The following BTBD10 variants were observed in gnomAD, a reference collection of about 807,000 sequenced individuals.
BTBD10 encodes BTB domain containing 10, also known as BTB/POZ domain-containing protein 10.
In BTBD10, 21 loss-of-function variants were observed where a neutral mutation model predicts 53.2. The observed-to-expected ratio is 0.39, with a 90% CI of 0.28 to 0.57. The LOEUF is 0.57. Ranked by LOEUF, BTBD10 falls within the 20% of genes least tolerant of loss-of-function variation. The pLI, the probability that BTBD10 is intolerant of heterozygous loss-of-function variation, is 0.53. For synonymous variants in BTBD10, 149 were observed against 192.7 expected, an observed-to-expected ratio of 0.77 and a Z score of 1.88; for missense variants, 360 against 594.7, an observed-to-expected ratio of 0.61 and a Z score of 4.10.
At chr11:13,462,872 CA>C (rs1195488541) in intron 1 of BTBD10, 1 of 152,410 alleles carries the variant, frequency 6.6e-6, no homozygotes, top group East Asian at 1.9e-4. Flanking sequence ...GCAGCAGCCG[CA>C]AAACTCAAGT....
chr11:13,434,355 C>T (rs538088946), intron 2 of BTBD10, among the ~76,000 whole-genome samples: 1 of 152,186 alleles, frequency 6.6e-6, no homozygotes, highest in African/African-American at 2.4e-5. Context: ...GTAGAACTCT[C>T]TGAGGGGGAA....
At chr11:13,410,526 C>A (rs139944755) in intron 6 of BTBD10, among the ~76,000 whole-genome samples, 5 of 152,198 alleles carry the variant, frequency 3.3e-5, no homozygotes, top group African/African-American at 1.2e-4. Context: ...ATGAGCCCCA[C>A]GTCCAGGGAA....
chr11:13,435,397 A>T (rs909552142), intron 2 of BTBD10, among the ~76,000 whole-genome samples: 1 of 152,194 alleles, frequency 6.6e-6, no homozygotes, highest in Admixed American at 6.5e-5. Context: ...AAAAAATATA[A>T]TTTTTTTAAA....
chr11:13,414,994 T>G (rs912469855), intron 5 of BTBD10, among the ~76,000 whole-genome samples: 1 of 151,808 alleles, frequency 6.6e-6, no homozygotes, highest in Admixed American at 6.6e-5. Flanking sequence ...CTGATCAAGA[T>G]CAACTATTTT....
chr11:13,453,281 A>G (rs1236873612), intron 1 of BTBD10, among the ~76,000 whole-genome samples: 3 of 152,146 alleles, frequency 2.0e-5, no homozygotes, highest in Non-Finnish European at 4.4e-5. Context: ...CAAAAACAAA[A>G]AAACAGAAAA....
intron 8 of BTBD10, among the ~76,000 whole-genome samples, chr11:13,401,721 A>G (rs1256233088): frequency 6.6e-6 from 1 of 152,182 alleles, no homozygotes; most frequent in Admixed American, 6.6e-5. Context: ...ACTAAGATAA[A>G]GGAAACTGAT....
intron 8 of BTBD10, among the ~76,000 whole-genome samples, chr11:13,394,534 T>G (rs1949487734): frequency 6.6e-6 from 1 of 152,084 alleles, no homozygotes; most frequent in Non-Finnish European, 1.5e-5. Context: ...CACTTTCAGG[T>G]AGTTCTTTTT....
At chr11:13,434,151 A>G (rs1225705410) in intron 2 of BTBD10, among the ~76,000 whole-genome samples, 1 of 152,230 alleles carries the variant, frequency 6.6e-6, no homozygotes, top group African/African-American at 2.4e-5. Context: ...AATAGTTTTA[A>G]TACTATTTCT....
At chr11:13,454,980 A>C (rs1950933067) in intron 1 of BTBD10, among the ~76,000 whole-genome samples, 1 of 152,170 alleles carries the variant, frequency 6.6e-6, no homozygotes, top group Non-Finnish European at 1.5e-5. Flanking sequence ...ATGCAATCTC[A>C]GCTCACTGCA....
intron 2 of BTBD10, chr11:13,440,186 C>T: frequency 7.0e-7 from 1 of 1,438,632 alleles, no homozygotes; most frequent in Non-Finnish European, 9.2e-7. Context: ...GAGATACAAC[C>T]CCCTCTACAT....
intron 5 of BTBD10, among the ~76,000 whole-genome samples, chr11:13,414,391 C>T (rs977155540): frequency 4.6e-5 from 7 of 152,256 alleles, no homozygotes; most frequent in East Asian, 1.9e-4. Flanking sequence ...CCATGACTCA[C>T]GCCTATAATC....
rs1234723156 is a variant in BTBD10 at position 13,389,112 on chromosome 11, TCTTTA to T, written c.1142_1146del (p.Val381GlufsTer41). ...ACTTCTGGGCGGCCTCCAGGCCTTT[TCTTTA>T]CTTTTTCTTTGTAGGTAGGATAACC... On this transcript the variant is annotated frameshift_variant, in exon 9 of 9. Transcript: ENST00000278174. LOFTEE classifies it high-confidence loss of function. 2.5e-6 allele frequency: 4 copies of T among 1,612,356 alleles called. No homozygotes were observed. Among genetic ancestry groups the T allele is most frequent in the Non-Finnish European group, 3.4e-6 (4 of 1,179,392 alleles).
intron 1 of BTBD10, among the ~76,000 whole-genome samples, chr11:13,452,130 A>G (rs1218223668): frequency 6.6e-6 from 1 of 152,210 alleles, no homozygotes; most frequent in African/African-American, 2.4e-5. Flanking sequence ...AGTATCTAAT[A>G]ATAAAGGTAG....
intron 6 of BTBD10, among the ~76,000 whole-genome samples, chr11:13,407,861 A>G (rs546331735): frequency 1.8e-4 from 27 of 152,198 alleles, no homozygotes; most frequent in Admixed American, 5.2e-4. Flanking sequence ...CTTTTTCTTC[A>G]AATGCTTCCT....
At chr11:13,416,572 G>A (rs1950118913) in intron 5 of BTBD10, among the ~76,000 whole-genome samples, 1 of 152,116 alleles carries the variant, frequency 6.6e-6, no homozygotes. Flanking sequence ...CTCCAGAAAT[G>A]TTACTAAATA....
intron 1 of BTBD10, among the ~76,000 whole-genome samples, chr11:13,451,160 C>T (rs1022736109): frequency 3.3e-5 from 5 of 152,136 alleles, no homozygotes; most frequent in African/African-American, 1.2e-4. Context: ...CTAAAATACA[C>T]ATGTACGGGA....
chr11:13,438,505 C>T (rs920486258), intron 2 of BTBD10, among the ~76,000 whole-genome samples: 1 of 151,900 alleles, frequency 6.6e-6, no homozygotes, highest in Non-Finnish European at 1.5e-5. Context: ...GTACAAAACA[C>T]TATGTAATCC....
intron 6 of BTBD10, among the ~76,000 whole-genome samples, chr11:13,408,418 G>C (rs1591109008): frequency 6.6e-6 from 1 of 152,148 alleles, no homozygotes; most frequent in Non-Finnish European, 1.5e-5. Flanking sequence ...GAAAAAGAAT[G>C]TTATAGATCA....
rs141812890 is a variant in BTBD10, at chr11:13,444,623, G to A, written c.101+401C>T. Reference sequence around the variant, plus strand: ...AATATAAACTCAGATAGTTAAAAACGTATGAAGCAAACACTGACATAAATC... The same window carrying A: ...AATATAAACTCAGATAGTTAAAAACATATGAAGCAAACACTGACATAAATC... On this transcript the variant is annotated intron_variant, in intron 2 of 8. Transcript: ENST00000278174. Among the ~76,000 whole-genome samples the A allele has an allele frequency of 3.9e-4, 59 of 152,204 alleles. No individual in the cohort carries two copies. The East Asian group carries it at 0.01, about 26-fold the overall frequency.
Sources: gnomAD v4.1 joint callset for allele counts (sites outside exome capture counted in the v4.1 genomes callset) on GRCh38, gnomAD v4.1.1 for gene constraint, MANE v1.5 for transcripts, NCBI Gene and HGNC (gene_info 2026-07-23, HGNC 2026-07-21) for gene names.